PRSS38: variants seen among roughly 807,000 people sequenced by gnomAD.
PRSS38 encodes serine protease 38.
In PRSS38, 22 loss-of-function variants were observed where a neutral mutation model predicts 26.8. That is an observed-to-expected ratio of 0.82 (90% CI 0.59 to 1.17). The LOEUF is 1.17. Ranked by LOEUF, PRSS38 falls within the 50% of genes most tolerant of loss-of-function variation. PRSS38 has a pLI of 0.00. For synonymous variants in PRSS38, 175 were observed against 172.1 expected, an observed-to-expected ratio of 1.02 and a Z score of -0.13; for missense variants, 427 against 422.7, an observed-to-expected ratio of 1.01 and a Z score of -0.09.
chr1:227,841,862 G>A (rs1665342242), intron 3 of PRSS38, among the ~76,000 whole-genome samples: 1 of 152,172 alleles, frequency 6.6e-6, no homozygotes, highest in South Asian at 2.1e-4. Context: ...CCTGAGGCTG[G>A]GTAGTTTCTA....
At chr1:227,833,554 T>A (rs1026901292) in intron 3 of PRSS38, among the ~76,000 whole-genome samples, 1 of 150,892 alleles carries the variant, frequency 6.6e-6, no homozygotes, top group Non-Finnish European at 1.5e-5. Flanking sequence ...GTTGAAGGAC[T>A]CATACTTCCT....
At chr1:227,830,988 T>A (rs1665146024) in intron 3 of PRSS38, among the ~76,000 whole-genome samples, 1 of 152,176 alleles carries the variant, frequency 6.6e-6, no homozygotes, top group South Asian at 2.1e-4. Flanking sequence ...GAACTGATTT[T>A]TGGTCACTGA....
At chr1:227,845,521 C>T in exon 4 of PRSS38, 1 of 1,613,438 alleles carries the variant, frequency 6.2e-7, no homozygotes, top group Non-Finnish European at 8.5e-7. Context: ...ATCCTGGAGC[C>T]CTGGTGCCAC....
rs545070676 is a variant in PRSS38, at chr1:227,816,501, C to G, written c.311+249C>G. On this transcript the variant is annotated intron_variant, in intron 2 of 4. Coordinates refer to ENST00000366757, the Ensembl canonical transcript of PRSS38. The surrounding 1 kb of genome is among the most constrained non-coding windows in gnomAD (Gnocchi z 5.1). ...CAAGAGTGATGCTGGTCCCCAAGATCACAGCCAGGTCCTCATATGCAAGGC... is the reference window on the plus strand; with the variant it reads ...CAAGAGTGATGCTGGTCCCCAAGATGACAGCCAGGTCCTCATATGCAAGGC... Among the ~76,000 whole-genome samples the G allele has an allele frequency of 6.6e-6, 1 of 152,114 alleles. No homozygotes were observed. The highest frequency in any genetic ancestry group is 1.9e-4 in the East Asian group (1 of 5,152).
chr1:227,843,498 T>A (rs754862315), intron 3 of PRSS38, among the ~76,000 whole-genome samples: 4 of 151,246 alleles, frequency 2.6e-5, no homozygotes, highest in Non-Finnish European at 5.9e-5. Flanking sequence ...AGGTCAGGAG[T>A]TCGAGACCAG....
At chr1:227,820,685 T>A (rs1664990780) in intron 3 of PRSS38, among the ~76,000 whole-genome samples, 1 of 152,216 alleles carries the variant, frequency 6.6e-6, no homozygotes, top group Non-Finnish European at 1.5e-5. Context: ...TGTAGTTATA[T>A]TTTCTTATGG....
chr1:227,830,432 T>G (rs184451354), intron 3 of PRSS38, among the ~76,000 whole-genome samples: 1 of 151,858 alleles, frequency 6.6e-6, no homozygotes. Context: ...ATTGTCCTAT[T>G]ACTTTTACTT....
chr1:227,839,189 G>T (rs1665279752), intron 3 of PRSS38, among the ~76,000 whole-genome samples: 1 of 152,244 alleles, frequency 6.6e-6, no homozygotes, highest in Non-Finnish European at 1.5e-5. Flanking sequence ...GCCAGGTGCA[G>T]TGGTTCAAGC....
Position 227,836,692 on chromosome 1 carries a change from A to T in PRSS38, c.584-8778A>T, listed in dbSNP as rs1214999078. Among the ~76,000 whole-genome samples the T allele has an allele frequency of 3.6e-3, 14 of 3,860 alleles. 6 individuals are homozygous for T. The highest frequency in any genetic ancestry group is 0.016 in the Admixed American group (12 of 760). 2.5% of individuals were successfully genotyped at this position (3,860 alleles called of 152,430 possible). Reference sequence around the variant, plus strand: ...ACAGAGCGAGACTCCGTCTCAAAAAAAAAAAAAAATAAAATAAAAGCTTCC... The same window carrying T: ...ACAGAGCGAGACTCCGTCTCAAAAATAAAAAAAAATAAAATAAAAGCTTCC... On this transcript the variant is annotated intron_variant, in intron 3 of 4. Transcript: ENST00000366757.
intron 3 of PRSS38, among the ~76,000 whole-genome samples, chr1:227,838,655 T>C (rs1365165159): frequency 6.6e-6 from 1 of 152,234 alleles, no homozygotes; most frequent in Non-Finnish European, 1.5e-5. Flanking sequence ...TTTGTCATGG[T>C]GCCAGGATGT....
rs531706874 is a variant in PRSS38 at position 227,829,653 on chromosome 1, T to C, written c.583+12173T>C. ...TCATTTTAATTGTTCATTGTTAGCA[T>C]ATTGAAGTACACTTGATTTTTATTC... On this transcript the variant is annotated intron_variant, in intron 3 of 4. Coordinates refer to ENST00000366757, the Ensembl canonical transcript of PRSS38. Among the ~76,000 whole-genome samples, 6 of 152,352 alleles carry C rather than the reference T, an allele frequency of 3.9e-5. No homozygotes were observed. In the East Asian group the frequency reaches 7.7e-4, roughly 20 times the overall value.
At chr1:227,842,972 G>A (rs1665360922) in intron 3 of PRSS38, among the ~76,000 whole-genome samples, 1 of 152,168 alleles carries the variant, frequency 6.6e-6, no homozygotes, top group South Asian at 2.1e-4. Flanking sequence ...GTTGCCCTCA[G>A]GAACAACAGC....
At chr1:227,824,402 T>C (rs1665042854) in intron 3 of PRSS38, among the ~76,000 whole-genome samples, 1 of 152,224 alleles carries the variant, frequency 6.6e-6, no homozygotes, top group Non-Finnish European at 1.5e-5. Context: ...GGACATGATC[T>C]CATTTTTTCA....
rs375623854 is a variant in PRSS38 at position 227,846,170 on chromosome 1, G to A, written c.943G>A (p.Val315Ile). Residue 315 changes from valine to isoleucine, a missense_variant, in exon 5 of 5, where the codon GTC (valine) becomes ATC (isoleucine). By Grantham distance (29) the Val-to-Ile change is conservative (BLOSUM62 3). Transcript: ENST00000366757. Reference sequence around the variant, plus strand: ...TCCAGCTCTGGGGCCCACTCTCAGCGTCCTAATGGCCATGCTGGCTGGCTG... The same window carrying A: ...TCCAGCTCTGGGGCCCACTCTCAGCATCCTAATGGCCATGCTGGCTGGCTG... 4.2e-4 allele frequency: 675 copies of A among 1,612,822 alleles called. 2 individuals are homozygous for A. The highest frequency in any genetic ancestry group is 1.1e-3 in the Admixed American group (68 of 60,030).
In PRSS38 at chr1:227,816,219, A is replaced by G; in HGVS notation, c.278A>G (p.Tyr93Cys). The change falls in exon 2 of 5, where the codon TAC becomes TGC. Residue 93 changes from tyrosine to cysteine, a missense_variant. Coordinates refer to ENST00000366757, the Ensembl canonical transcript of PRSS38. This position sits in a 1 kb window ranked among gnomAD's most constrained non-coding sequence, Gnocchi z 5.1. The stretch of plus-strand genomic sequence containing the variant: ...TGCGGCGGCTCCATCCTCAATGAGT[A>G]CTGGGTGCTGTCAGCTGCGCACTGC... 6.2e-7 allele frequency: 1 copy of G among 1,613,442 alleles called. No individual in the cohort carries two copies. Among genetic ancestry groups the G allele is most frequent in the Non-Finnish European group, 8.5e-7 (1 of 1,179,642 alleles).
At position 227,816,566 on chromosome 1, in the gene PRSS38, T is replaced by C. The variant is rs2102670814; in HGVS notation, c.311+314T>C. Among the ~76,000 whole-genome samples, 1 of 150,324 alleles carries C rather than the reference T, an allele frequency of 6.7e-6. No individual in the cohort carries two copies. Among genetic ancestry groups the C allele is most frequent in the Non-Finnish European group, 1.5e-5 (1 of 67,692 alleles). On this transcript the variant is annotated intron_variant, in intron 2 of 4. Coordinates refer to ENST00000366757, the Ensembl canonical transcript of PRSS38. This position sits in a 1 kb window ranked among gnomAD's most constrained non-coding sequence, Gnocchi z 5.1. ...TACAGTTAGGTTCCCATGAGCTAGG[T>C]TGGTCCTCAAATGCACAGCCTGGTC...
At chr1:227,820,504 CT>C (rs1264667840) in intron 3 of PRSS38, among the ~76,000 whole-genome samples, 3 of 151,980 alleles carry the variant, frequency 2.0e-5, no homozygotes, top group Non-Finnish European at 2.9e-5. Flanking sequence ...CCTATGTTGT[CT>C]TTTTTCGTTT....
At chr1:227,824,287 A>G (rs1665041348) in intron 3 of PRSS38, among the ~76,000 whole-genome samples, 1 of 152,000 alleles carries the variant, frequency 6.6e-6, no homozygotes, top group African/African-American at 2.4e-5. Context: ...GTGTTCTCAT[A>G]ATTCAGCTCC....
Position 227,815,910 on chromosome 1 carries a change from T to C in PRSS38, c.148+46T>C, listed in dbSNP as rs776210139. On this transcript the variant is annotated intron_variant, in intron 1 of 4. Transcript: ENST00000366757. ...GGATGGGCGGCTGGAGACAGTGCCCTTGGGGCGTCTGTCGGTGCTGGGCCT... is the reference window on the plus strand; with the variant it reads ...GGATGGGCGGCTGGAGACAGTGCCCCTGGGGCGTCTGTCGGTGCTGGGCCT... 1.9e-5 allele frequency: 29 copies of C among 1,559,610 alleles called. 1 individual carries two copies. The South Asian group carries it at 3.3e-4, about 18-fold the overall frequency.
Sources: allele counts gnomAD v4.1 joint callset (sites outside exome capture counted in the v4.1 genomes callset), GRCh38; gene constraint gnomAD v4.1.1; non-coding constraint Gnocchi (gnomAD v3.1); transcripts MANE v1.5; gene names NCBI Gene and HGNC (gene_info 2026-07-23, HGNC 2026-07-21).